Variants in SUGCT observed in about 807,000 individuals in gnomAD.
SUGCT encodes the protein succinyl-CoA:glutarate CoA-transferase.
In SUGCT, 41 loss-of-function variants were observed where a neutral mutation model predicts 55.0. The observed-to-expected ratio is 0.74, with a 90% CI of 0.58 to 0.97. The LOEUF (loss-of-function observed/expected upper bound fraction) is 0.97, where lower values mean the gene tolerates loss of function less well. Among genes scored for constraint, SUGCT ranks in the 50% least tolerant of loss-of-function variants. The pLI is 0.00. For synonymous variants in SUGCT, 187 were observed against 200.4 expected (o/e 0.93, Z 0.56); for missense variants, 568 against 547.8 (o/e 1.04, Z -0.37).
chr7:40,252,821 T>C (rs746054787), intron 7 of SUGCT, among the ~76,000 whole-genome samples: 4 of 152,062 alleles, frequency 2.6e-5, no homozygotes, highest in Non-Finnish European at 4.4e-5. Context: ...CTAATGTTTT[T>C]CAGTTTTTAT....
intron 9 of SUGCT, among the ~76,000 whole-genome samples, chr7:40,398,769 GCATGATTTT>G (rs1467900853): frequency 1.7e-4 from 26 of 152,188 alleles, no homozygotes; most frequent in Non-Finnish European, 2.8e-4. Flanking sequence ...AATTTATTTA[GCATGATTTT>G]GGAGAAGAAT....
chr7:40,222,473 A>G (rs1788071515), intron 6 of SUGCT, among the ~76,000 whole-genome samples: 1 of 152,194 alleles, frequency 6.6e-6, no homozygotes, highest in Non-Finnish European at 1.5e-5. Context: ...TCACTATTGA[A>G]CACTGATGGT....
intron 9 of SUGCT, among the ~76,000 whole-genome samples, chr7:40,318,881 G>A (rs554866841): frequency 3.0e-4 from 46 of 152,274 alleles, no homozygotes; most frequent in African/African-American, 1.0e-3. Flanking sequence ...TTTAAAAAAT[G>A]GAACATCATT....
At chr7:40,628,333 T>C (rs1266478345) in intron 12 of SUGCT, among the ~76,000 whole-genome samples, 3 of 152,238 alleles carry the variant, frequency 2.0e-5, no homozygotes, top group Non-Finnish European at 4.4e-5. Flanking sequence ...GGTTGGATCA[T>C]TTAGCACCAG....
At chr7:40,468,792 T>C (rs550339127) in intron 11 of SUGCT, among the ~76,000 whole-genome samples, 18 of 152,294 alleles carry the variant, frequency 1.2e-4, no homozygotes, top group African/African-American at 4.3e-4. Context: ...GGTTAAAGCT[T>C]GAACTCTGAT....
At chr7:40,517,448 A>G (rs749835456) in intron 12 of SUGCT, among the ~76,000 whole-genome samples, 3 of 152,078 alleles carry the variant, frequency 2.0e-5, no homozygotes, top group South Asian at 2.1e-4. Context: ...AAAGCGTTCA[A>G]TCTTTCACCA....
chr7:40,193,693 G>A lies in SUGCT; in HGVS notation c.364-1247G>A, dbSNP rs548355586. 1.6e-4 allele frequency among the ~76,000 whole-genome samples: 24 copies of A among 151,768 alleles called. No individual in the cohort carries two copies. The East Asian group carries it at 4.7e-3, about 30-fold the overall frequency. ...GGCTCACTGTGACCTCTGTCTCCCA[G>A]GTTCAAGTGATTCTTGTGTCTCAGC... is the stretch of plus-strand genomic sequence containing the variant. On this transcript the variant is annotated intron_variant, in intron 5 of 13. Transcript: ENST00000335693.
chr7:40,890,060 C>T, the SUGCT span, among the ~76,000 whole-genome samples: 10 of 151,812 alleles, frequency 6.6e-5, no homozygotes, highest in South Asian at 2.1e-3. Context: ...TCAATGAGCA[C>T]TGATTCAATC....
At chr7:40,902,721 C>T in the SUGCT span, among the ~76,000 whole-genome samples, 1 of 152,016 alleles carries the variant, frequency 6.6e-6, no homozygotes, top group Non-Finnish European at 1.5e-5. Flanking sequence ...ATATTTTCAA[C>T]ATGATTTTCA....
At chr7:40,505,964 A>G (rs1295860650) in intron 12 of SUGCT, among the ~76,000 whole-genome samples, 1 of 152,080 alleles carries the variant, frequency 6.6e-6, no homozygotes. Context: ...ATATATGTTA[A>G]AGGCCTAACA....
At chr7:40,321,792 A>G (rs1795770123) in intron 9 of SUGCT, among the ~76,000 whole-genome samples, 2 of 152,322 alleles carry the variant, frequency 1.3e-5, no homozygotes, top group South Asian at 2.1e-4. Context: ...GTAGTATTCC[A>G]TGGTATAGAT....
At chr7:40,335,358 TA>T (rs1796623150) in intron 9 of SUGCT, among the ~76,000 whole-genome samples, 1 of 151,908 alleles carries the variant, frequency 6.6e-6, no homozygotes, top group African/African-American at 2.4e-5. Flanking sequence ...ATTTTCACGA[TA>T]TTGATTCTTC....
At chr7:40,685,067 G>T (rs1015061152) in intron 12 of SUGCT, among the ~76,000 whole-genome samples, 4 of 151,930 alleles carry the variant, frequency 2.6e-5, no homozygotes, top group Non-Finnish European at 5.9e-5. Flanking sequence ...ATGTTGGTCA[G>T]GCTGGTCTCA....
intron 12 of SUGCT, among the ~76,000 whole-genome samples, chr7:40,534,608 G>A (rs908567533): frequency 6.6e-6 from 1 of 152,036 alleles, no homozygotes; most frequent in African/African-American, 2.4e-5. Context: ...TAGTAGAGAC[G>A]GGGTTTCGGC....
At chr7:40,162,192 G>A (rs1314590164) in intron 1 of SUGCT, among the ~76,000 whole-genome samples, 1 of 152,036 alleles carries the variant, frequency 6.6e-6, no homozygotes, top group Non-Finnish European at 1.5e-5. Context: ...TACCGCGCCC[G>A]GCCGTGAAGT....
chr7:40,862,046 G>C (rs1794497552), downstream of SUGCT, among the ~76,000 whole-genome samples: 1 of 152,184 alleles, frequency 6.6e-6, no homozygotes, highest in Admixed American at 6.5e-5. Flanking sequence ...CACATATCTT[G>C]AAAGATAGGC....
chr7:40,660,571 G>A (rs995064208), intron 12 of SUGCT, among the ~76,000 whole-genome samples: 1 of 152,052 alleles, frequency 6.6e-6, no homozygotes, highest in Non-Finnish European at 1.5e-5. Context: ...GGTTTTTATA[G>A]TAAGCTTGGC....
chr7:41,037,214 AT>A, the SUGCT span, among the ~76,000 whole-genome samples: 3 of 152,146 alleles, frequency 2.0e-5, no homozygotes, highest in East Asian at 5.8e-4. Context: ...TGTCTCCATT[AT>A]TTTTTAGTTT....
the SUGCT span, among the ~76,000 whole-genome samples, chr7:40,948,678 C>T: frequency 6.6e-6 from 1 of 150,764 alleles, no homozygotes; most frequent in Admixed American, 6.6e-5. Flanking sequence ...TTGTTCAACT[C>T]CCACTTATTA....
Sources: allele counts gnomAD v4.1 joint callset (sites outside exome capture counted in the v4.1 genomes callset), GRCh38; gene constraint gnomAD v4.1.1; transcripts MANE v1.5; gene names NCBI Gene and HGNC (gene_info 2026-07-23, HGNC 2026-07-21).